The following NR6A1 variants were observed in gnomAD, a reference collection of about 807,000 sequenced individuals.
NR6A1 encodes the protein retinoic acid receptor-related testis-associated receptor.
In NR6A1, 7 loss-of-function variants were observed where a neutral mutation model predicts 59.1. That is an observed-to-expected ratio of 0.12 (90% CI 0.07 to 0.22). The LOEUF (loss-of-function observed/expected upper bound fraction) is 0.22. Ranked by LOEUF, NR6A1 falls within the 10% of genes least tolerant of loss-of-function variation. The probability of loss-of-function intolerance (pLI) is 1.00; values close to 1 mark genes in which losing one functional copy is unlikely to be tolerated. For missense variants in NR6A1, 468 were observed against 611.6 expected, an observed-to-expected ratio of 0.77 and a Z score of 2.48; for synonymous variants, 243 against 236.1, an observed-to-expected ratio of 1.03 and a Z score of -0.27.
intron 2 of NR6A1, among the ~76,000 whole-genome samples, chr9:124,600,390 C>T (rs1404376063): frequency 1.3e-5 from 2 of 152,132 alleles, no homozygotes; most frequent in East Asian, 3.9e-4. Flanking sequence ...TAAGAACATC[C>T]TTGGATACAA....
intron 2 of NR6A1, among the ~76,000 whole-genome samples, chr9:124,614,257 C>T (rs1835831199): frequency 6.6e-6 from 1 of 152,060 alleles, no homozygotes; most frequent in South Asian, 2.1e-4. Flanking sequence ...GAGGACTGAT[C>T]AGTGCACATA....
Position 124,595,288 on chromosome 9 carries a change from C to T in NR6A1, c.143-40718G>A, listed in dbSNP as rs537829157. On this transcript the variant is annotated intron_variant, in intron 2 of 9. Coordinates refer to ENST00000487099, the MANE Select transcript of NR6A1 (RefSeq NM_033334.4). ...ACTGTAAAGTATAGAAGCTCCCTAC[C>T]AGAGGATGAGGTTGCCTTATCAATG... Among the ~76,000 whole-genome samples the T allele has an allele frequency of 5.0e-4, 76 of 152,280 alleles. 1 individual carries two copies. Among genetic ancestry groups the T allele is most frequent in the African/African-American group, 1.7e-3 (72 of 41,562 alleles).
intron 2 of NR6A1, among the ~76,000 whole-genome samples, chr9:124,615,396 T>A (rs1835859775): frequency 6.6e-6 from 1 of 152,100 alleles, no homozygotes; most frequent in Admixed American, 6.5e-5. Flanking sequence ...AACTGAGAAG[T>A]AAAATCCTGG....
At chr9:124,585,567 G>C (rs1389841562) in intron 2 of NR6A1, among the ~76,000 whole-genome samples, 11 of 133,850 alleles carry the variant, frequency 8.2e-5, no homozygotes, top group South Asian at 5.8e-4. Flanking sequence ...AAGGGGGGGG[G>C]GGGCAAGGTG....
At chr9:124,738,008 C>CA (rs1236938038) in intron 1 of NR6A1, among the ~76,000 whole-genome samples, 1 of 152,150 alleles carries the variant, frequency 6.6e-6, no homozygotes, top group Non-Finnish European at 1.5e-5. Flanking sequence ...GTAATTCCAG[C>CA]ACTTTGGGAG....
chr9:124,714,417 A>G (rs1028936958), intron 2 of NR6A1, among the ~76,000 whole-genome samples: 1 of 152,212 alleles, frequency 6.6e-6, no homozygotes, highest in African/African-American at 2.4e-5. Context: ...AGAACTCTAC[A>G]AAATAAAAGA....
intron 2 of NR6A1, among the ~76,000 whole-genome samples, chr9:124,633,988 G>GT (rs1333623993): frequency 6.6e-6 from 1 of 152,190 alleles, no homozygotes; most frequent in South Asian, 2.1e-4. Context: ...GATTCAGAAT[G>GT]TTTTTGGAAT....
intron 2 of NR6A1, among the ~76,000 whole-genome samples, chr9:124,587,197 G>C (rs1460624773): frequency 6.6e-6 from 1 of 152,094 alleles, no homozygotes; most frequent in Non-Finnish European, 1.5e-5. Context: ...TTTAAGTTAA[G>C]GTATGTAGGG....
chr9:124,535,779 G>C (rs1024882113), intron 7 of NR6A1, 99 bp downstream of exon 7: 2 of 1,419,192 alleles, frequency 1.4e-6, no homozygotes, highest in African/African-American at 2.8e-5. Context: ...AGGCCTATGA[G>C]GTGTAGTGCC....
At chr9:124,729,232 T>C (rs903351913) in intron 2 of NR6A1, among the ~76,000 whole-genome samples, 4 of 152,218 alleles carry the variant, frequency 2.6e-5, no homozygotes, top group Non-Finnish European at 5.9e-5. Context: ...AATTTTTGTT[T>C]ATTGTGTTCA....
chr9:124,582,993 T>A (rs1426509126), intron 2 of NR6A1, among the ~76,000 whole-genome samples: 2 of 152,232 alleles, frequency 1.3e-5, no homozygotes, highest in Non-Finnish European at 2.9e-5. Flanking sequence ...TCAATTTTTC[T>A]GTATGCTAAT....
chr9:124,702,505 C>T (rs903809467), intron 2 of NR6A1, among the ~76,000 whole-genome samples: 2 of 152,046 alleles, frequency 1.3e-5, no homozygotes, highest in African/African-American at 4.8e-5. Context: ...ATGTCTGTTC[C>T]CTCCAAATCA....
At position 124,543,953 on chromosome 9, in the gene NR6A1, G is replaced by A. The variant is rs796377798; in HGVS notation, c.386-96C>T. ...TTTACTTGGCCAAAAGCATAAGACA[G>A]TAATTAGTGAATCCAACATTAAAAC... On this transcript the variant is annotated intron_variant, in intron 3 of 9. Transcript: ENST00000487099. 13 of 934,844 alleles carry A rather than the reference G, an allele frequency of 1.4e-5. No homozygotes were observed. In the South Asian group the frequency reaches 1.9e-4, roughly 13 times the overall value. The allele number at this position is 934,844 out of a possible 1,614,324, so 57.9% of individuals were successfully genotyped here.
At chr9:124,759,206 A>G (rs1840720789) in intron 1 of NR6A1, among the ~76,000 whole-genome samples, 1 of 152,198 alleles carries the variant, frequency 6.6e-6, no homozygotes. Context: ...CCTAGCTCTT[A>G]TATTTCTTTT....
chr9:124,599,094 T>C lies in NR6A1; in HGVS notation c.143-44524A>G, dbSNP rs1362489089. 2.5e-5 allele frequency: 18 copies of C among 709,050 alleles called. No individual in the cohort carries two copies. The East Asian group carries it at 4.5e-4, about 18-fold the overall frequency. 43.9% of individuals were successfully genotyped at this position (709,050 alleles called of 1,614,324 possible). ...TTGACGTCACCAGTGCCTCGCTCGT[T>C]CCATTCTAGGAGACGGTTCTCTGCG... On this transcript the variant is annotated intron_variant, in intron 2 of 9. Coordinates refer to ENST00000487099, the MANE Select transcript of NR6A1 (RefSeq NM_033334.4).
chr9:124,726,547 T>C lies in NR6A1; in HGVS notation c.142+6761A>G, dbSNP rs115363086. ...CATTTCAGATTTTCACTTTTGCAAT[T>C]TGGGGAGGGTGGAGAGAGGTAGACT... On this transcript the variant is annotated intron_variant, in intron 2 of 9. Transcript: ENST00000487099. Among the ~76,000 whole-genome samples, 1,164 of 152,294 alleles carry C rather than the reference T, an allele frequency of 7.6e-3. 7 individuals are homozygous for C. Among genetic ancestry groups the C allele is most frequent in the African/African-American group, 0.023 (946 of 41,560 alleles).
intron 2 of NR6A1, among the ~76,000 whole-genome samples, chr9:124,664,257 G>A (rs1332249727): frequency 1.3e-5 from 2 of 152,198 alleles, no homozygotes; most frequent in Admixed American, 6.5e-5. Flanking sequence ...AGGACATAAG[G>A]CAGTAGATTC....
At chr9:124,619,429 A>G (rs1270144817) in intron 2 of NR6A1, among the ~76,000 whole-genome samples, 1 of 151,738 alleles carries the variant, frequency 6.6e-6, no homozygotes, top group Non-Finnish European at 1.5e-5. Flanking sequence ...ACACCTGACT[A>G]ATTTTTGTAT....
chr9:124,592,071 GT>G (rs910279112), intron 2 of NR6A1, among the ~76,000 whole-genome samples: 1 of 152,100 alleles, frequency 6.6e-6, no homozygotes, highest in African/African-American at 2.4e-5. Flanking sequence ...GTGGGAGATT[GT>G]TTGGTTGCCA....
Sources: allele counts gnomAD v4.1 joint callset (sites outside exome capture counted in the v4.1 genomes callset), GRCh38; gene constraint gnomAD v4.1.1; transcripts MANE v1.5; gene names NCBI Gene and HGNC (gene_info 2026-07-23, HGNC 2026-07-21).